DHX36: variants seen among roughly 807,000 people sequenced by gnomAD.
DHX36 encodes the protein DEAH-box helicase 36.
A neutral mutation model predicts 139.0 loss-of-function variants in DHX36; 50 were observed. The observed-to-expected ratio is 0.36, with a 90% confidence interval of 0.29 to 0.46. DHX36 has a LOEUF of 0.46. Ranked by LOEUF, DHX36 falls within the 20% of genes least tolerant of loss-of-function variation. The pLI is 1.00. For synonymous variants in DHX36, 425 were observed against 401.9 expected (o/e 1.06, Z -0.69); for missense variants, 1,024 against 1,211.3 (o/e 0.85, Z 2.29).
intron 5 of DHX36, among the ~76,000 whole-genome samples, chr3:154,307,106 T>G (rs1712534257): frequency 1.3e-5 from 2 of 152,112 alleles, no homozygotes; most frequent in African/African-American, 4.8e-5. Flanking sequence ...ATTCTGTAAT[T>G]TTATGCAATT....
chr3:154,315,280 T>A lies in DHX36; in HGVS notation c.369A>T (p.Gly123=). The change falls in exon 3 of 25, where the codon GGA becomes GGT. Residue 123 remains glycine (G), a splice_region_variant and synonymous_variant. Coordinates refer to ENST00000496811, the MANE Select transcript of DHX36 (RefSeq NM_020865.3). ...QISWFAPEDH[G]YGTEVSTKNT... Reference sequence around the variant, plus strand: ...TCTTAGTAGAAACTTCAGTACCGTATCTGTTTTGACAAAATAAGAAAGGAA... The same window carrying A: ...TCTTAGTAGAAACTTCAGTACCGTAACTGTTTTGACAAAATAAGAAAGGAA... 6.2e-7 allele frequency: 1 copy of A among 1,604,094 alleles called. No individual in the cohort carries two copies. Among genetic ancestry groups the A allele is most frequent in the Non-Finnish European group, 8.5e-7 (1 of 1,175,890 alleles).
At position 154,324,166 on chromosome 3, in the gene DHX36, G is replaced by T; in HGVS notation, c.243+8C>A. On this transcript the variant is annotated splice_region_variant and intron_variant, in intron 1 of 24. Transcript: ENST00000496811. ...CCTCATCCTCTCCACTACTGAATCC[G>T]AGATTACCTCTTGCCTCTCCGCTTC... The T allele has an allele frequency of 6.2e-7, 1 of 1,606,346 alleles. No individual in the cohort carries two copies. Among genetic ancestry groups the T allele is most frequent in the Non-Finnish European group, 8.5e-7 (1 of 1,175,110 alleles).
At chr3:154,283,357 T>A in intron 19 of DHX36, 86 bp from the exon 20 acceptor site, 2 of 877,368 alleles carry the variant, frequency 2.3e-6, no homozygotes, top group Non-Finnish European at 3.7e-6. Context: ...AGTAAAAGCT[T>A]AATATTCTAC....
intron 1 of DHX36, among the ~76,000 whole-genome samples, chr3:154,321,518 T>C (rs750596164): frequency 1.3e-5 from 2 of 152,232 alleles, no homozygotes; most frequent in Non-Finnish European, 2.9e-5. Context: ...TACTGTATTC[T>C]ATTTATCGCT....
chr3:154,323,757 C>T (rs987024329), intron 1 of DHX36, among the ~76,000 whole-genome samples: 1 of 152,204 alleles, frequency 6.6e-6, no homozygotes, highest in East Asian at 1.9e-4. Context: ...TTGTTCCGCG[C>T]AAACCTATCT....
chr3:154,316,224 T>C, intron 1 of DHX36, 61 bp from the exon 2 acceptor site: 2 of 1,597,690 alleles, frequency 1.3e-6, no homozygotes, highest in African/African-American at 1.4e-5. Flanking sequence ...CAAAAATTAT[T>C]TGATACTGAA....
intron 17 of DHX36, among the ~76,000 whole-genome samples, chr3:154,286,574 C>T (rs1254358086): frequency 1.3e-5 from 2 of 151,262 alleles, no homozygotes; most frequent in Admixed American, 1.3e-4. Flanking sequence ...TTTAAAAAAT[C>T]TAAATAAAGA....
Position 154,276,279 on chromosome 3 carries a change from TTTAG to T in DHX36, c.2915_2918del (p.Thr972AsnfsTer12). ...CTGACAGTACTGCACAGTCTCTGGATTTAGTGTCATTCCAGTCTACAGGATGAGG... is the reference window on the plus strand; with the variant it reads ...CTGACAGTACTGCACAGTCTCTGGATTGTCATTCCAGTCTACAGGATGAGG... On this transcript the variant is annotated frameshift_variant, in exon 25 of 25. Coordinates refer to ENST00000496811, the MANE Select transcript of DHX36 (RefSeq NM_020865.3). LOFTEE classifies it high-confidence loss of function. 6.2e-7 allele frequency: 1 copy of T among 1,613,932 alleles called. No individual in the cohort carries two copies. Among genetic ancestry groups the T allele is most frequent in the Non-Finnish European group, 8.5e-7 (1 of 1,179,916 alleles).
At chr3:154,299,055 T>C (rs1334131663) in intron 12 of DHX36, among the ~76,000 whole-genome samples, 1 of 152,140 alleles carries the variant, frequency 6.6e-6, no homozygotes, top group African/African-American at 2.4e-5. Flanking sequence ...GAGGATCACT[T>C]CAGGTCTGGA....
intron 1 of DHX36, among the ~76,000 whole-genome samples, chr3:154,322,706 G>A (rs918705532): frequency 6.6e-6 from 1 of 152,146 alleles, no homozygotes; most frequent in African/African-American, 2.4e-5. Context: ...ATTTTTTCCT[G>A]ACTTATTTAA....
chr3:154,302,694 GAA>G (rs1466359202), intron 9 of DHX36, among the ~76,000 whole-genome samples: 1 of 152,172 alleles, frequency 6.6e-6, no homozygotes, highest in Admixed American at 6.5e-5. Context: ...GCCAACAAAG[GAA>G]AGTGAAAATC....
intron 16 of DHX36, 71 bp from the exon 17 acceptor site, chr3:154,289,035 C>G (rs1215772091): frequency 3.0e-6 from 2 of 667,826 alleles, no homozygotes; most frequent in Non-Finnish European, 4.6e-6. Context: ...TTAGTCCTAC[C>G]TGGGCTGATG....
chr3:154,278,029 C>T (rs1288553887), intron 22 of DHX36: 1 of 203,104 alleles, frequency 4.9e-6, no homozygotes, highest in African/African-American at 2.3e-5. Flanking sequence ...TATTCTTTTC[C>T]TTAATGTTAA....
chr3:154,314,760 G>A, intron 3 of DHX36: 1 of 262,086 alleles, frequency 3.8e-6, no homozygotes, highest in Non-Finnish European at 7.2e-6. Context: ...TCACTAAACT[G>A]GCCTAGAAAA....
intron 12 of DHX36, among the ~76,000 whole-genome samples, chr3:154,296,245 C>T (rs888248346): frequency 3.9e-5 from 6 of 152,074 alleles, no homozygotes; most frequent in Admixed American, 3.9e-4. Context: ...GAGGCCGAGG[C>T]GGGCGGATCA....
chr3:154,316,188 T>A (rs372862262), intron 1 of DHX36, 25 bp from the exon 2 acceptor site: 16 of 1,610,412 alleles, frequency 9.9e-6, no homozygotes, highest in Middle Eastern at 1.6e-4. Context: ...GAAAAAAGCA[T>A]CCTTGTCAAC....
intron 9 of DHX36, 43 bp from the exon 10 acceptor site, chr3:154,301,170 T>A: frequency 6.5e-7 from 1 of 1,531,962 alleles, no homozygotes; most frequent in Middle Eastern, 1.8e-4. Flanking sequence ...TTTTTGAAAC[T>A]CTAGTTTTAG....
intron 13 of DHX36, among the ~76,000 whole-genome samples, chr3:154,294,028 G>A (rs1422553404): frequency 6.6e-6 from 1 of 152,118 alleles, no homozygotes. Context: ...ATCTCCCACA[G>A]ATGTCACAAT....
intron 12 of DHX36, among the ~76,000 whole-genome samples, chr3:154,298,402 T>C (rs1362128913): frequency 6.6e-6 from 1 of 152,162 alleles, no homozygotes; most frequent in Non-Finnish European, 1.5e-5. Context: ...AGCTGTCTAA[T>C]CATGACAAAT....
Sources: gnomAD v4.1 joint callset for allele counts (sites outside exome capture counted in the v4.1 genomes callset) on GRCh38, gnomAD v4.1.1 for gene constraint, MANE v1.5 for transcripts, NCBI Gene and HGNC (gene_info 2026-07-23, HGNC 2026-07-21) for gene names.